Variants in USP8 observed in about 807,000 individuals in gnomAD.
The protein encoded by USP8 is ubiquitin specific peptidase 8, also known as ubiquitin carboxyl-terminal hydrolase 8.
Under a neutral mutation model 130.0 loss-of-function variants are expected in USP8, and 27 were observed. The observed-to-expected ratio is 0.21, with a 90% CI of 0.15 to 0.29. USP8 has a LOEUF of 0.29. USP8 is among the 10% of genes least tolerant of loss of function. The probability of loss-of-function intolerance (pLI) is 1.00; values close to 1 mark genes in which losing one functional copy is unlikely to be tolerated. For missense variants in USP8, 1,029 were observed against 1,312.2 expected (o/e 0.78, Z 3.33); for synonymous variants, 392 against 444.1 (o/e 0.88, Z 1.48).
rs2052586494 is a variant in USP8, at chr15:50,501,450, G to A, written c.*2362G>A. The stretch of plus-strand genomic sequence containing the variant: ...GATTGTACCACTGCACTCCAGCCTG[G>A]GTGACAGAGTGAGACCCTGTCTTAA... On this transcript the variant is annotated 3_prime_UTR_variant, in exon 20 of 20. Coordinates refer to ENST00000307179, the MANE Select transcript of USP8 (RefSeq NM_005154.5). The A allele has an allele frequency of 6.6e-6, 1 of 152,132 alleles. No individual in the cohort carries two copies. The highest frequency in any genetic ancestry group is 2.1e-4 in the South Asian group (1 of 4,828). The allele number at this position is 152,132 out of a possible 1,614,324, so 9.4% of individuals were successfully genotyped here. A position where few individuals can be genotyped will look rare whatever the true frequency, so the allele number is the denominator to read the frequency against.
chr15:50,478,844 CAG>C (rs2051661820), intron 10 of USP8, among the ~76,000 whole-genome samples: 1 of 152,112 alleles, frequency 6.6e-6, no homozygotes, highest in African/African-American at 2.4e-5. Context: ...CACCTGAGGT[CAG>C]GAGTTCCAGA....
chr15:50,512,761 C>A lies in USP8; in HGVS notation c.*13673C>A, dbSNP rs1353765120. ...GAGCCGAGATCACACCACCGCACTC[C>A]AGCCTGGGCGACAGAGCCAGACTCT... On this transcript the variant is annotated 3_prime_UTR_variant, in exon 20 of 20. Coordinates refer to ENST00000307179, the MANE Select transcript of USP8 (RefSeq NM_005154.5). 4.6e-5 allele frequency: 7 copies of A among 152,078 alleles called. No individual in the cohort carries two copies. The highest frequency in any genetic ancestry group is 4.6e-4 in the Admixed American group (7 of 15,222). 9.4% of individuals were successfully genotyped at this position (152,078 alleles called of 1,614,324 possible). A position where few individuals can be genotyped will look rare whatever the true frequency, so the allele number is the denominator to read the frequency against.
At chr15:50,486,263 G>A (rs1158119052) in intron 12 of USP8, among the ~76,000 whole-genome samples, 5 of 151,930 alleles carry the variant, frequency 3.3e-5, no homozygotes, top group Admixed American at 2.6e-4. Context: ...CAGGTGGATC[G>A]CTTGAGCCCC....
chr15:50,444,157 G>A (rs994936927), intron 3 of USP8, among the ~76,000 whole-genome samples: 17 of 145,720 alleles, frequency 1.2e-4, no homozygotes, highest in Non-Finnish European at 1.6e-4. Context: ...AGGCTGGAGC[G>A]CGATGGCATG....
At position 50,496,187 on chromosome 15, in the gene USP8, T is replaced by C. The variant is rs2052394280; in HGVS notation, c.2895+103T>C. On this transcript the variant is annotated intron_variant, in intron 17 of 19. Transcript: ENST00000307179. ...GGTCTTTACCCTTACAAACATTTTA[T>C]CAGTAAAACTCGGCCGGGCGCAGTG... 7 of 1,000,830 alleles carry C rather than the reference T, an allele frequency of 7.0e-6. No homozygotes were observed. In the Admixed American group the frequency reaches 1.6e-4, roughly 22 times the overall value. The allele number at this position is 1,000,830 out of a possible 1,614,324, so 62.0% of individuals were successfully genotyped here.
rs2052515568 is a variant in USP8, at chr15:50,498,889, C to CTTGT, written c.3172-10_3172-7dup. Reference sequence around the variant, plus strand: ...TAACTGAATTGATTTTTTTTTCTATCTTGTTTGGCACAGAATCACTACGGT... The same window carrying CTTGT: ...TAACTGAATTGATTTTTTTTTCTATCTTGTTTGTTTGGCACAGAATCACTACGGT... On this transcript the variant is annotated splice_polypyrimidine_tract_variant and intron_variant, in intron 19 of 19. Transcript: ENST00000307179. 2.6e-6 allele frequency: 4 copies of CTTGT among 1,567,778 alleles called. No individual in the cohort carries two copies. Among genetic ancestry groups the CTTGT allele is most frequent in the African/African-American group, 2.8e-5 (2 of 72,330 alleles).
intron 7 of USP8, among the ~76,000 whole-genome samples, chr15:50,468,199 G>GT (rs1277162716): frequency 3.4e-5 from 5 of 146,774 alleles, no homozygotes; most frequent in Admixed American, 2.7e-4. Context: ...GCCTCCCAAA[G>GT]TGCTGGGATT....
intron 3 of USP8, among the ~76,000 whole-genome samples, chr15:50,442,172 C>G (rs2050283096): frequency 6.6e-6 from 1 of 151,932 alleles, no homozygotes; most frequent in African/African-American, 2.4e-5. Context: ...TGGGGTTTCT[C>G]CATGTTGGTC....
At chr15:50,479,154 A>G (rs1196861514) in intron 10 of USP8, among the ~76,000 whole-genome samples, 2 of 152,232 alleles carry the variant, frequency 1.3e-5, no homozygotes, top group Admixed American at 6.5e-5. Flanking sequence ...AATCAGCCAC[A>G]GCATAAGGCA....
intron 15 of USP8, chr15:50,493,445 A>C (rs757041354): frequency 3.9e-6 from 2 of 519,062 alleles, no homozygotes; most frequent in Non-Finnish European, 7.7e-6. Flanking sequence ...AAAGGGGAAA[A>C]TATCTTTATC....
chr15:50,458,960 A>C, intron 4 of USP8, 40 bp from the exon 5 acceptor site: 1 of 1,608,272 alleles, frequency 6.2e-7, no homozygotes, highest in Non-Finnish European at 8.5e-7. Context: ...TCCACGATTA[A>C]CGCCAATAAA....
intron 7 of USP8, among the ~76,000 whole-genome samples, chr15:50,467,552 T>C (rs1473831208): frequency 6.6e-6 from 1 of 152,140 alleles, no homozygotes; most frequent in Non-Finnish European, 1.5e-5. Flanking sequence ...TTTTTCATTA[T>C]CTATTTTTAT....
chr15:50,487,036 A>T (rs751454215), intron 12 of USP8, among the ~76,000 whole-genome samples: 27 of 151,984 alleles, frequency 1.8e-4, no homozygotes, highest in Non-Finnish European at 2.9e-4. Flanking sequence ...AGGCAGGAGA[A>T]CCGCTTGAAC....
chr15:50,441,373 C>A lies in USP8; in HGVS notation c.129C>A (p.Ile43=), dbSNP rs1595907556. The A allele has an allele frequency of 6.2e-7, 1 of 1,602,542 alleles. No homozygotes were observed. Among genetic ancestry groups the A allele is most frequent in the Non-Finnish European group, 8.5e-7 (1 of 1,177,574 alleles). Residue 43 remains isoleucine (I), a synonymous_variant, in exon 3 of 20, where the codon ATC becomes ATA. Transcript: ENST00000307179. ...GTTATGTGCACAGTGCCCTGAAGAT[C>A]TTTAAGACAGCAGAAGAATGCAGAT... The part of the protein sequence containing the change: ...TKSYVHSALK[I]FKTAEECRLD...
chr15:50,490,456 T>C lies in USP8; in HGVS notation c.2165T>C (p.Ile722Thr). The stretch of plus-strand genomic sequence containing the variant: ...AAGCGCTCCTACTCCTCCCCAGATA[T>C]AACCCAGGCTATTCAAGAGGAAGAG... ...KLKRSYSSPDITQAIQEEEKR... is the reference protein window; with the variant it reads ...KLKRSYSSPDTTQAIQEEEKR... Residue 722 changes from isoleucine (I) to threonine (T), a missense_variant, in exon 14 of 20, where the codon ATA (isoleucine) becomes ACA (threonine). By Grantham distance (89) the Ile-to-Thr change is moderately conservative (BLOSUM62 -1). Transcript: ENST00000307179. 1 of 1,614,146 alleles carries C rather than the reference T, an allele frequency of 6.2e-7. No individual in the cohort carries two copies. The highest frequency in any genetic ancestry group is 8.5e-7 in the Non-Finnish European group (1 of 1,180,016).
At chr15:50,470,531 C>T (rs1358860068) in intron 7 of USP8, among the ~76,000 whole-genome samples, 2 of 151,494 alleles carry the variant, frequency 1.3e-5, no homozygotes, top group Admixed American at 6.6e-5. Flanking sequence ...GTGAAGGGGG[C>T]CAGTAGTTAG....
At chr15:50,430,819 A>T (rs978867029) in intron 1 of USP8, among the ~76,000 whole-genome samples, 1 of 152,178 alleles carries the variant, frequency 6.6e-6, no homozygotes, top group Non-Finnish European at 1.5e-5. Flanking sequence ...AACATTTTCC[A>T]CATCGAATTA....
intron 14 of USP8, among the ~76,000 whole-genome samples, chr15:50,491,183 T>C (rs1197243460): frequency 6.6e-6 from 1 of 152,212 alleles, no homozygotes; most frequent in African/African-American, 2.4e-5. Context: ...TAATCTTTAC[T>C]TACTTTTTTG....
chr15:50,425,561 T>G (rs2049685057), intron 1 of USP8, among the ~76,000 whole-genome samples: 1 of 152,220 alleles, frequency 6.6e-6, no homozygotes, highest in African/African-American at 2.4e-5. Context: ...GGTTGTGTTA[T>G]GTCTTTATCA....
Sources: allele counts gnomAD v4.1 joint callset (sites outside exome capture counted in the v4.1 genomes callset), GRCh38; gene constraint gnomAD v4.1.1; transcripts MANE v1.5; gene names NCBI Gene and HGNC (gene_info 2026-07-23, HGNC 2026-07-21).